The following KDM4C variants were observed in gnomAD, a reference collection of about 807,000 sequenced individuals.
The protein encoded by KDM4C is lysine-specific demethylase 4C.
In KDM4C, 81 loss-of-function variants were observed where a neutral mutation model predicts 129.3. The ratio of observed to expected loss-of-function variants is 0.63; its 90% confidence interval spans 0.52 to 0.75. The LOEUF (loss-of-function observed/expected upper bound fraction) is 0.75, where lower values mean the gene tolerates loss of function less well. Ranked by LOEUF, KDM4C falls within the 30% of genes least tolerant of loss-of-function variation. The pLI is 0.00. For synonymous variants in KDM4C, 573 were observed against 456.1 expected, an observed-to-expected ratio of 1.26 and a Z score of -3.26; for missense variants, 1,457 against 1,304.0, an observed-to-expected ratio of 1.12 and a Z score of -1.81.
chr9:7,084,874 T>C (rs1834932993), intron 17 of KDM4C, among the ~76,000 whole-genome samples: 1 of 152,214 alleles, frequency 6.6e-6, no homozygotes, highest in East Asian at 1.9e-4. Flanking sequence ...TTCTTGGGCC[T>C]CATAGATCTA....
At chr9:7,076,788 T>C (rs1372101659) in intron 17 of KDM4C, 1 of 1,060,610 alleles carries the variant, frequency 9.4e-7, no homozygotes, top group African/African-American at 1.7e-5. Context: ...CCTTTCCCTT[T>C]GTGATTTAGT....
At chr9:6,987,913 T>C (rs1418742298) in intron 11 of KDM4C, among the ~76,000 whole-genome samples, 1 of 151,942 alleles carries the variant, frequency 6.6e-6, no homozygotes, top group Non-Finnish European at 1.5e-5. Context: ...TCCCTGCACT[T>C]TGAGAGACTG....
chr9:6,765,683 G>T (rs992556148), intron 1 of KDM4C, among the ~76,000 whole-genome samples: 3 of 152,080 alleles, frequency 2.0e-5, no homozygotes, highest in African/African-American at 4.8e-5. Context: ...ACCAGGACAC[G>T]CATTGGGAAA....
intron 8 of KDM4C, among the ~76,000 whole-genome samples, chr9:6,969,858 A>G (rs912812876): frequency 2.6e-5 from 4 of 152,218 alleles, no homozygotes; most frequent in Non-Finnish European, 5.9e-5. Context: ...AGGACTACCT[A>G]CTTGACATTT....
chr9:7,001,417 G>A (rs937952923), intron 12 of KDM4C, among the ~76,000 whole-genome samples: 2 of 152,164 alleles, frequency 1.3e-5, no homozygotes, highest in Non-Finnish European at 2.9e-5. Context: ...CCATGGATCT[G>A]GGTTAAGAAT....
At chr9:6,757,937 G>T (rs1317079161), upstream of KDM4C, 9 of 985,292 alleles carry the variant, frequency 9.1e-6, no homozygotes, top group Middle Eastern at 5.2e-4. Context: ...GCGGGCCCCA[G>T]CGGTCACGTG....
intron 17 of KDM4C, among the ~76,000 whole-genome samples, chr9:7,089,772 A>G (rs1260651899): frequency 4.6e-5 from 7 of 152,212 alleles, no homozygotes; most frequent in Non-Finnish European, 7.3e-5. Flanking sequence ...ACTTTAAATT[A>G]GACTTAAAAA....
At chr9:7,081,724 A>C (rs1587517080) in intron 17 of KDM4C, among the ~76,000 whole-genome samples, 1 of 152,204 alleles carries the variant, frequency 6.6e-6, no homozygotes, top group Non-Finnish European at 1.5e-5. Context: ...TGCATGAGGA[A>C]ATGTTCGTGT....
chr9:6,791,599 A>C (rs558810918), intron 1 of KDM4C, among the ~76,000 whole-genome samples: 7 of 152,356 alleles, frequency 4.6e-5, no homozygotes, highest in African/African-American at 1.7e-4. Flanking sequence ...ACACCTGAGT[A>C]AACTAACGAT....
intron 15 of KDM4C, among the ~76,000 whole-genome samples, chr9:7,041,217 C>G (rs764609881): frequency 6.6e-6 from 1 of 151,758 alleles, no homozygotes; most frequent in Non-Finnish European, 1.5e-5. Context: ...TCATTATTCC[C>G]TAATTGATAC....
At chr9:6,903,610 T>C (rs985272042) in intron 8 of KDM4C, among the ~76,000 whole-genome samples, 1 of 152,174 alleles carries the variant, frequency 6.6e-6, no homozygotes, top group Non-Finnish European at 1.5e-5. Flanking sequence ...TCAGTGAAAA[T>C]AGAATTGTAA....
chr9:7,051,601 G>A (rs935631333), intron 17 of KDM4C, among the ~76,000 whole-genome samples: 1 of 152,086 alleles, frequency 6.6e-6, no homozygotes, highest in South Asian at 2.1e-4. Context: ...ATTTCATCCA[G>A]GCAAAAGTAA....
chr9:6,789,562 C>G (rs191104355), intron 1 of KDM4C, among the ~76,000 whole-genome samples: 23 of 151,490 alleles, frequency 1.5e-4, no homozygotes, highest in Admixed American at 1.4e-3. Context: ...GACAGGGTTT[C>G]GCCATGTTGC....
chr9:6,766,301 C>T (rs1820614772), intron 1 of KDM4C, among the ~76,000 whole-genome samples: 1 of 152,062 alleles, frequency 6.6e-6, no homozygotes, highest in Non-Finnish European at 1.5e-5. Context: ...TCGAAACTTT[C>T]AGATTTTGGA....
At chr9:6,873,915 C>CGA (rs370139035) in intron 5 of KDM4C, among the ~76,000 whole-genome samples, 1,208 of 112,962 alleles carry the variant, frequency 0.011, 11 homozygotes, top group Non-Finnish European at 0.016. Flanking sequence ...AGAGAGAGAG[C>CGA]GAGAGAGAGA....
intron 1 of KDM4C, among the ~76,000 whole-genome samples, chr9:6,738,283 C>G (rs890408512): frequency 3.3e-5 from 5 of 152,064 alleles, no homozygotes; most frequent in Non-Finnish European, 5.9e-5. Flanking sequence ...TTGAGACTGG[C>G]CTGACCAACA....
At chr9:6,879,759 T>C (rs578086955) in intron 5 of KDM4C, among the ~76,000 whole-genome samples, 43 of 152,308 alleles carry the variant, frequency 2.8e-4, no homozygotes, top group Non-Finnish European at 5.6e-4. Flanking sequence ...TGGGCCTTTG[T>C]TCCCTAATTT....
intron 3 of KDM4C, among the ~76,000 whole-genome samples, chr9:6,809,873 T>C (rs1475005732): frequency 1.3e-5 from 2 of 152,226 alleles, no homozygotes; most frequent in East Asian, 3.9e-4. Context: ...GGTATGTGCC[T>C]GTAGTCTCAG....
intron 17 of KDM4C, among the ~76,000 whole-genome samples, chr9:7,095,100 A>G (rs537220457): frequency 6.6e-6 from 1 of 152,376 alleles, no homozygotes; most frequent in South Asian, 2.1e-4. Context: ...CTGTTAAAAA[A>G]TGCCTGGGGG....
Sources: gnomAD v4.1 joint callset for allele counts (sites outside exome capture counted in the v4.1 genomes callset) on GRCh38, gnomAD v4.1.1 for gene constraint, MANE v1.5 for transcripts, NCBI Gene and HGNC (gene_info 2026-07-23, HGNC 2026-07-21) for gene names.